The following EEF2K variants were observed in gnomAD, a reference collection of about 807,000 sequenced individuals.
The protein encoded by EEF2K is alternative protein EEF2K.
EEF2K carries 70 observed loss-of-function variants against 93.8 expected under a neutral mutation model. The ratio of observed to expected loss-of-function variants is 0.75; its 90% CI spans 0.62 to 0.91. The LOEUF is 0.91. EEF2K is among the 40% of genes least tolerant of loss of function. The pLI is 0.00. For missense variants in EEF2K, 935 were observed against 972.9 expected, an observed-to-expected ratio of 0.96 and a Z score of 0.52; for synonymous variants, 376 against 380.8, an observed-to-expected ratio of 0.99 and a Z score of 0.15.
intron 6 of EEF2K, among the ~76,000 whole-genome samples, chr16:22,255,693 C>G (rs2047391641): frequency 6.6e-6 from 1 of 152,064 alleles, no homozygotes; most frequent in Non-Finnish European, 1.5e-5. Context: ...GAGGCCAGTT[C>G]TTGAGGCCAG....
At chr16:22,280,487 C>A in intron 17 of EEF2K, 111 bp downstream of exon 17, 2 of 1,203,718 alleles carry the variant, frequency 1.7e-6, no homozygotes, top group African/African-American at 1.6e-5. Context: ...GAATCTTCTT[C>A]CAGGGAGGGG....
chr16:22,277,826 T>G (rs915513388), intron 16 of EEF2K, among the ~76,000 whole-genome samples: 2 of 151,328 alleles, frequency 1.3e-5, no homozygotes, highest in African/African-American at 4.9e-5. Flanking sequence ...TGGCTCTTAG[T>G]TCTGGAGGCT....
chr16:22,266,967 C>T lies in EEF2K; in HGVS notation c.1764+91C>T, dbSNP rs570145867. ...CCTCCCATCCTGGAAGTCATGCATT[C>T]ACCTGCCTTCTATCCTGAGGTTTAT... On this transcript the variant is annotated intron_variant, in intron 15 of 17. Transcript: ENST00000263026. 9.0e-6 allele frequency: 13 copies of T among 1,444,378 alleles called. No individual in the cohort carries two copies. The East Asian group carries it at 2.8e-4, about 31-fold the overall frequency. The allele number at this position is 1,444,378 out of a possible 1,614,324, so 89.5% of individuals were successfully genotyped here.
chr16:22,247,647 T>G (rs942672785), intron 3 of EEF2K, among the ~76,000 whole-genome samples: 4 of 152,194 alleles, frequency 2.6e-5, no homozygotes, highest in African/African-American at 9.7e-5. Context: ...CATCTCCTTT[T>G]TGCCCAATCA....
rs371491303 is a variant in EEF2K at position 22,251,131 on chromosome 16, C to G, written c.447-20C>G. On this transcript the variant is annotated intron_variant, in intron 5 of 17. Coordinates refer to ENST00000263026, the MANE Select transcript of EEF2K (RefSeq NM_013302.5). ...AACCCCAGAGTACCCAGGTAGGCCC[C>G]CTGTTGCCTCTTCCCACAGGAAGAA... 6.2e-7 allele frequency: 1 copy of G among 1,608,312 alleles called. No individual in the cohort carries two copies. The highest frequency in any genetic ancestry group is 8.5e-7 in the Non-Finnish European group (1 of 1,177,002).
chr16:22,246,952 C>T (rs1475023219), intron 3 of EEF2K, among the ~76,000 whole-genome samples: 3 of 143,328 alleles, frequency 2.1e-5, no homozygotes, highest in East Asian at 2.3e-4. Flanking sequence ...GCAGGAGAAT[C>T]GCTTGAACCC....
chr16:22,253,611 A>C (rs2141671552), intron 6 of EEF2K, among the ~76,000 whole-genome samples: 1 of 151,084 alleles, frequency 6.6e-6, no homozygotes, highest in African/African-American at 2.4e-5. Flanking sequence ...CATCTCAGAC[A>C]ACCCTAAGAA....
At chr16:22,276,590 A>T (rs1307961239) in intron 16 of EEF2K, among the ~76,000 whole-genome samples, 3 of 152,148 alleles carry the variant, frequency 2.0e-5, no homozygotes, top group African/African-American at 4.8e-5. Flanking sequence ...GGTGCTAGAA[A>T]CGCCAAGGAA....
intron 1 of EEF2K, among the ~76,000 whole-genome samples, chr16:22,212,063 A>G (rs902526805): frequency 1.3e-5 from 2 of 152,150 alleles, no homozygotes; most frequent in African/African-American, 4.8e-5. Flanking sequence ...GTGCCCAGCA[A>G]GTGATTAAAC....
At chr16:22,250,520 C>T in intron 4 of EEF2K, 134 bp from the exon 5 acceptor site, 1 of 1,049,322 alleles carries the variant, frequency 9.5e-7, no homozygotes, top group Non-Finnish European at 1.4e-6. Context: ...AGGGAGATCC[C>T]CAGGGATTTC....
rs554303685 is a variant in EEF2K, at chr16:22,278,027, AGAGT to A, written c.1890-2169_1890-2166del. The stretch of plus-strand genomic sequence containing the variant: ...CAAGACCAGCTTGGGCAACCTGGTA[AGAGT>A]GTGTCTCTATAAAAAAATTTTAAAA... On this transcript the variant is annotated intron_variant, in intron 16 of 17. Transcript: ENST00000263026. 1.8e-4 allele frequency among the ~76,000 whole-genome samples: 28 copies of A among 152,222 alleles called. 1 individual carries two copies. The highest frequency in any genetic ancestry group is 9.8e-4 in the Admixed American group (15 of 15,278).
chr16:22,216,063 ATT>A (rs955748442), intron 1 of EEF2K, among the ~76,000 whole-genome samples: 1 of 152,134 alleles, frequency 6.6e-6, no homozygotes, highest in Non-Finnish European at 1.5e-5. Flanking sequence ...TGACAAGTCT[ATT>A]GTCTAGGAGA....
intron 2 of EEF2K, among the ~76,000 whole-genome samples, chr16:22,226,325 C>CTTTTTTT (rs935058417): frequency 4.7e-5 from 3 of 63,664 alleles, no homozygotes; most frequent in African/African-American, 1.7e-4. Flanking sequence ...AGGTGCTGTT[C>CTTTTTTT]TTTTTTTTTT....
At position 22,285,077 on chromosome 16, in the gene EEF2K, A is replaced by G. The variant is rs1388443633; in HGVS notation, c.*1081A>G. 2 of 152,538 alleles carry G rather than the reference A, an allele frequency of 1.3e-5. No individual in the cohort carries two copies. Among genetic ancestry groups the G allele is most frequent in the Non-Finnish European group, 2.9e-5 (2 of 68,012 alleles). The allele number at this position is 152,538 out of a possible 1,614,324, so 9.4% of individuals were successfully genotyped here. On this transcript the variant is annotated 3_prime_UTR_variant, in exon 18 of 18. Transcript: ENST00000263026. ...CACGTTTACTACCTCTAACTCCTAC[A>G]TCAGCTAGTGTGGAAGAGGGTGCAC... is the stretch of plus-strand genomic sequence containing the variant.
Position 22,280,381 on chromosome 16 carries a change from G to T in EEF2K, c.2068+5G>T. 2.0e-6 allele frequency: 3 copies of T among 1,504,880 alleles called. No homozygotes were observed. Among genetic ancestry groups the T allele is most frequent in the Non-Finnish European group, 2.7e-6 (3 of 1,122,034 alleles). 93.2% of individuals were successfully genotyped at this position (1,504,880 alleles called of 1,614,324 possible). A position where few individuals can be genotyped will look rare whatever the true frequency, so the allele number is the denominator to read the frequency against. ...AGAAGGACCCGCAGAGATCAGGTAGGGCCTGGCAGACCTGCCCCTGGGCTG... is the reference window on the plus strand; with the variant it reads ...AGAAGGACCCGCAGAGATCAGGTAGTGCCTGGCAGACCTGCCCCTGGGCTG... On this transcript the variant is annotated splice_donor_5th_base_variant and intron_variant, in intron 17 of 17. Transcript: ENST00000263026.
chr16:22,244,799 GA>G, intron 3 of EEF2K, 69 bp downstream of exon 3: 3 of 1,513,184 alleles, frequency 2.0e-6, no homozygotes. Flanking sequence ...CCCAATCAGT[GA>G]GGCCTAAGTA....
chr16:22,253,241 C>G (rs1025295579), intron 6 of EEF2K, among the ~76,000 whole-genome samples: 1 of 152,224 alleles, frequency 6.6e-6, no homozygotes, highest in African/African-American at 2.4e-5. Context: ...ATCCATGCCT[C>G]TGCCCTGCAT....
Position 22,275,922 on chromosome 16 carries a change from G to A in EEF2K, c.1889+2172G>A, listed in dbSNP as rs1437101098. On this transcript the variant is annotated intron_variant, in intron 16 of 17. Coordinates refer to ENST00000263026, the MANE Select transcript of EEF2K (RefSeq NM_013302.5). ...CTCCCAAAGTGCTGGGATTACAGAT[G>A]TGAGCCACCATGCCTGGCCTATTTT... Among the ~76,000 whole-genome samples the A allele has an allele frequency of 2.0e-5, 3 of 151,750 alleles. No homozygotes were observed. The East Asian group carries it at 5.8e-4, about 29-fold the overall frequency.
At chr16:22,216,072 G>A (rs550064683) in intron 1 of EEF2K, among the ~76,000 whole-genome samples, 1 of 152,314 alleles carries the variant, frequency 6.6e-6, no homozygotes, top group Non-Finnish European at 1.5e-5. Flanking sequence ...TATTGTCTAG[G>A]AGAGGGTCCC....
Sources: gnomAD v4.1 joint callset for allele counts (sites outside exome capture counted in the v4.1 genomes callset) on GRCh38, gnomAD v4.1.1 for gene constraint, MANE v1.5 for transcripts, NCBI Gene and HGNC (gene_info 2026-07-23, HGNC 2026-07-21) for gene names.